RTN4: variants seen among roughly 807,000 people sequenced by gnomAD.
RTN4 encodes the protein reticulon-4.
A neutral mutation model predicts 90.4 loss-of-function variants in RTN4; 32 were observed. The observed-to-expected ratio is 0.35, with a 90% CI of 0.27 to 0.48. The LOEUF (loss-of-function observed/expected upper bound fraction) is 0.48. Among genes scored for constraint, RTN4 ranks in the 20% least tolerant of loss-of-function variants. The pLI, the probability that RTN4 is intolerant of heterozygous loss-of-function variation, is 0.99. For synonymous variants in RTN4, 629 were observed against 552.5 expected (o/e 1.14, Z -1.94); for missense variants, 1,706 against 1,430.2 (o/e 1.19, Z -3.11).
chr2:55,040,059 T>C (rs1411344358), intron 1 of RTN4, among the ~76,000 whole-genome samples: 1 of 152,190 alleles, frequency 6.6e-6, no homozygotes, highest in Admixed American at 6.5e-5. Flanking sequence ...TCAAAAGTGA[T>C]GTCTTATAGC....
the RTN4 span, among the ~76,000 whole-genome samples, chr2:55,136,672 G>T: frequency 6.6e-6 from 1 of 152,198 alleles, no homozygotes; most frequent in East Asian, 1.9e-4. Flanking sequence ...TTTGTTTCCA[G>T]TTTGGGTCTA....
At chr2:55,010,887 C>A (rs1313444258) in intron 3 of RTN4, among the ~76,000 whole-genome samples, 1 of 152,176 alleles carries the variant, frequency 6.6e-6, no homozygotes, top group Admixed American at 6.5e-5. Flanking sequence ...TCTTAATCAT[C>A]ATCTGCTCCA....
Position 54,973,547 on chromosome 2 carries a change from G to T in RTN4, c.3536+16C>A. The T allele has an allele frequency of 1.3e-6, 2 of 1,583,168 alleles. No individual in the cohort carries two copies. Among genetic ancestry groups the T allele is most frequent in the Non-Finnish European group, 1.7e-6 (2 of 1,152,058 alleles). On this transcript the variant is annotated intron_variant, in intron 8 of 8. Transcript: ENST00000337526. ...ACCTTATCCTAGTAAAAACACTGCA[G>T]ATTTTAAATACTTACTTAGCCATAG...
At chr2:55,017,856 C>CATT (rs1681155036) in intron 3 of RTN4, among the ~76,000 whole-genome samples, 1 of 152,080 alleles carries the variant, frequency 6.6e-6, no homozygotes, top group African/African-American at 2.4e-5. Flanking sequence ...CTTACATTGC[C>CATT]TAATGGTTCA....
the RTN4 span, among the ~76,000 whole-genome samples, chr2:55,129,400 T>G: frequency 2.6e-5 from 4 of 151,850 alleles, no homozygotes; most frequent in Non-Finnish European, 5.9e-5. Flanking sequence ...ATAGAGAGAC[T>G]GTGTCTCTCT....
chr2:55,076,526 A>C (rs1441589209), intron 2 of RTN4, among the ~76,000 whole-genome samples: 1 of 148,508 alleles, frequency 6.7e-6, no homozygotes, highest in Non-Finnish European at 1.5e-5. Context: ...CAGCCTGCTG[A>C]GTAGCTGGAA....
At chr2:55,059,858 G>C (rs932220323) in intron 2 of RTN4, among the ~76,000 whole-genome samples, 7 of 151,908 alleles carry the variant, frequency 4.6e-5, no homozygotes, top group Non-Finnish European at 1.0e-4. Flanking sequence ...GAGAAAGAGA[G>C]AGAGAGATGG....
intron 3 of RTN4, among the ~76,000 whole-genome samples, chr2:55,001,728 G>A (rs1245755360): frequency 6.6e-6 from 1 of 152,142 alleles, no homozygotes; most frequent in Non-Finnish European, 1.5e-5. Context: ...TCAAAACGGA[G>A]CCTCTCACTT....
At chr2:55,040,299 T>C (rs1682984108) in intron 1 of RTN4, among the ~76,000 whole-genome samples, 1 of 152,190 alleles carries the variant, frequency 6.6e-6, no homozygotes, top group African/African-American at 2.4e-5. Flanking sequence ...TGTTGATGAA[T>C]TGAGACTGAA....
chr2:54,981,675 A>C (rs1558760667), intron 5 of RTN4, among the ~76,000 whole-genome samples: 1 of 152,228 alleles, frequency 6.6e-6, no homozygotes, highest in Non-Finnish European at 1.5e-5. Context: ...TGAGACTCTT[A>C]ACAGCTGCTT....
At chr2:54,977,806 T>G (rs1047386626) in intron 5 of RTN4, among the ~76,000 whole-genome samples, 2 of 152,224 alleles carry the variant, frequency 1.3e-5, no homozygotes, top group Non-Finnish European at 2.9e-5. Flanking sequence ...ACTTAGAAGT[T>G]TGTAGTTAAT....
At chr2:55,110,055 T>A (rs541969505) in intron 1 of RTN4, among the ~76,000 whole-genome samples, 1 of 152,082 alleles carries the variant, frequency 6.6e-6, no homozygotes, top group Non-Finnish European at 1.5e-5. Flanking sequence ...ACACCTATAA[T>A]CCCAGCATTG....
chr2:55,062,057 T>G (rs1027015042), intron 2 of RTN4, among the ~76,000 whole-genome samples: 2 of 141,982 alleles, frequency 1.4e-5, no homozygotes, highest in African/African-American at 5.0e-5. Flanking sequence ...GGACAGGCAC[T>G]GGCACGCCGG....
chr2:54,982,510 C>A lies in RTN4; in HGVS notation c.3360+5G>T. ...TATCAAAAATGAAAGGCAAAATAAA[C>A]TTACCTTCAGAGAATCAACTAAATC... On this transcript the variant is annotated splice_donor_5th_base_variant and intron_variant, in intron 5 of 8. Coordinates refer to ENST00000337526, the MANE Select transcript of RTN4 (RefSeq NM_020532.5). 8 of 1,604,632 alleles carry A rather than the reference C, an allele frequency of 5.0e-6. No homozygotes were observed. Among genetic ancestry groups the A allele is most frequent in the Non-Finnish European group, 5.9e-6 (7 of 1,177,260 alleles).
At chr2:55,075,883 C>A (rs934574889) in intron 2 of RTN4, among the ~76,000 whole-genome samples, 2 of 152,024 alleles carry the variant, frequency 1.3e-5, no homozygotes, top group Admixed American at 6.6e-5. Flanking sequence ...ATTGGCAAGC[C>A]GCATGTAAAA....
intron 1 of RTN4, among the ~76,000 whole-genome samples, chr2:55,092,191 A>T (rs1238022897): frequency 3.5e-3 from 1 of 288 alleles, no homozygotes; most frequent in Non-Finnish European, 7.7e-3. Flanking sequence ...CCATGACTTA[A>T]AAAAAAAAAA....
At chr2:55,061,145 A>G (rs992183664) in intron 2 of RTN4, among the ~76,000 whole-genome samples, 2 of 148,848 alleles carry the variant, frequency 1.3e-5, no homozygotes, top group African/African-American at 2.5e-5. Context: ...GGTTCACTGC[A>G]ACCTCCGCCT....
At chr2:54,997,908 GTA>G (rs1679557679) in intron 3 of RTN4, among the ~76,000 whole-genome samples, 1 of 152,026 alleles carries the variant, frequency 6.6e-6, no homozygotes. Context: ...TCATAGTTAT[GTA>G]TAGATAGGAA....
chr2:55,132,265 G>T, the RTN4 span, among the ~76,000 whole-genome samples: 47 of 152,270 alleles, frequency 3.1e-4, no homozygotes, highest in Non-Finnish European at 2.9e-5. Flanking sequence ...CACTTTGGGA[G>T]GCTGAGGCGG....
Sources: allele counts gnomAD v4.1 joint callset (sites outside exome capture counted in the v4.1 genomes callset), GRCh38; gene constraint gnomAD v4.1.1; transcripts MANE v1.5; gene names NCBI Gene and HGNC (gene_info 2026-07-23, HGNC 2026-07-21).